PCDHGB3: variants seen among roughly 807,000 people sequenced by gnomAD.
PCDHGB3 encodes protocadherin gamma subfamily B, 3.
PCDHGB3 carries 40 observed loss-of-function variants against 59.2 expected under a neutral mutation model. The ratio of observed to expected loss-of-function variants is 0.68; its 90% CI spans 0.52 to 0.88. The LOEUF (loss-of-function observed/expected upper bound fraction) is 0.88, where lower values mean the gene tolerates loss of function less well. PCDHGB3 is among the 40% of genes least tolerant of loss of function. PCDHGB3 has a pLI of 0.00. For synonymous variants in PCDHGB3, 581 were observed against 503.6 expected (o/e 1.15, Z -2.06); for missense variants, 1,309 against 1,187.9 (o/e 1.10, Z -1.50).
intron 1 of PCDHGB3, chr5:141,414,421 A>C (rs1250470349): frequency 6.2e-7 from 1 of 1,613,894 alleles, no homozygotes; most frequent in East Asian, 2.2e-5. Context: ...AGCCCTTGAC[A>C]GGGAACAGGT....
In PCDHGB3 at chr5:141,432,262, A is replaced by G; in HGVS notation, c.2415+59453A>G. 1.9e-6 allele frequency: 3 copies of G among 1,614,222 alleles called. No homozygotes were observed. Among genetic ancestry groups the G allele is most frequent in the Non-Finnish European group, 2.5e-6 (3 of 1,180,036 alleles). On this transcript the variant is annotated intron_variant, in intron 1 of 3. Coordinates refer to ENST00000576222, the MANE Select transcript of PCDHGB3 (RefSeq NM_018924.5). This position sits in a 1 kb window ranked among gnomAD's most constrained non-coding sequence, Gnocchi z 6.0. ...AGAACACCATCCAAGGGGCAAGCCT[A>G]TCGTCCTACGTGTCCATCAACTCCG...
intron 1 of PCDHGB3, chr5:141,478,171 G>A (rs141465380): frequency 7.3e-5 from 118 of 1,613,942 alleles, no homozygotes; most frequent in African/African-American, 1.5e-4. Flanking sequence ...CCCCCCGGGA[G>A]CAGAAAAAAA....
intron 1 of PCDHGB3, chr5:141,422,878 C>T: frequency 6.2e-7 from 1 of 1,614,264 alleles, no homozygotes; most frequent in African/African-American, 1.3e-5. Flanking sequence ...GTCGCTGAGC[C>T]TGTTCGTGCT....
chr5:141,411,806 C>G (rs1276116820), intron 1 of PCDHGB3: 1 of 151,860 alleles, frequency 6.6e-6, no homozygotes, highest in Non-Finnish European at 1.5e-5. Flanking sequence ...CGCTTGAGCC[C>G]AGGAAGTCTA....
At chr5:141,418,392 T>C (rs753094664) in intron 1 of PCDHGB3, 1 of 1,613,996 alleles carries the variant, frequency 6.2e-7, no homozygotes, top group Non-Finnish European at 8.5e-7. Context: ...AACGAGTATT[T>C]CTCATTGGTG....
chr5:141,471,717 C>T (rs1196344901), intron 1 of PCDHGB3, among the ~76,000 whole-genome samples: 1 of 152,022 alleles, frequency 6.6e-6, no homozygotes, highest in Non-Finnish European at 1.5e-5. Flanking sequence ...GTGCCACTTA[C>T]CAGGTAAGGA....
chr5:141,489,126 T>G lies in PCDHGB3; in HGVS notation c.2416-5681T>G. 31 of 585,108 alleles carry G rather than the reference T, an allele frequency of 5.3e-5. No homozygotes were observed. Among genetic ancestry groups the G allele is most frequent in the South Asian group, 1.3e-4 (4 of 31,402 alleles). 36.2% of individuals were successfully genotyped at this position (585,108 alleles called of 1,614,324 possible). On this transcript the variant is annotated intron_variant, in intron 1 of 3. Transcript: ENST00000576222. The surrounding 1 kb of genome is among the most constrained non-coding windows in gnomAD (Gnocchi z 4.5). ...TGCAAGCAGGCAAACCTCCGAGCAG[T>G]TTTTAAGAGGCTGGAAGGAGACATA...
At chr5:141,375,234 G>C (rs371683670) in intron 1 of PCDHGB3, 16 of 1,613,840 alleles carry the variant, frequency 9.9e-6, no homozygotes, top group African/African-American at 1.3e-5. Context: ...CTGGTAACCT[G>C]TTCCATCCCG....
At position 141,371,956 on chromosome 5, in the gene PCDHGB3, A is replaced by C; in HGVS notation, c.1562A>C (p.Asp521Ala). The C allele has an allele frequency of 6.2e-7, 1 of 1,613,272 alleles. No homozygotes were observed. The highest frequency in any genetic ancestry group is 8.5e-7 in the Non-Finnish European group (1 of 1,179,846). ...SGVVFAQRAF[D>A]HEQLRAFELT... ...GTGGTGTTCGCGCAGCGAGCCTTCGACCACGAGCAGCTGCGTGCCTTCGAG... is the reference window on the plus strand; with the variant it reads ...GTGGTGTTCGCGCAGCGAGCCTTCGCCCACGAGCAGCTGCGTGCCTTCGAG... Residue 521 changes from aspartate (D) to alanine (A), a missense_variant, in exon 1 of 4, where the codon GAC (aspartate) becomes GCC (alanine). By Grantham distance (126) the Asp-to-Ala change is moderately radical. Coordinates refer to ENST00000576222, the MANE Select transcript of PCDHGB3 (RefSeq NM_018924.5).
At position 141,432,307 on chromosome 5, in the gene PCDHGB3, G is replaced by A. The variant is rs2097484688; in HGVS notation, c.2415+59498G>A. On this transcript the variant is annotated intron_variant, in intron 1 of 3. Transcript: ENST00000576222. The surrounding 1 kb of genome is among the most constrained non-coding windows in gnomAD (Gnocchi z 6.0). ...ACTCCGACACTGGGGTACTGTATGC[G>A]CTGAGCTCCTTCGACTACGAGCAGT... The A allele has an allele frequency of 5.0e-6, 8 of 1,614,240 alleles. No individual in the cohort carries two copies. Among genetic ancestry groups the A allele is most frequent in the South Asian group, 1.1e-5 (1 of 91,086 alleles).
intron 1 of PCDHGB3, chr5:141,422,899 G>A: frequency 2.5e-6 from 4 of 1,614,234 alleles, no homozygotes; most frequent in Non-Finnish European, 3.4e-6. Flanking sequence ...GGACCAGAAC[G>A]ACAATGCGCC....
intron 1 of PCDHGB3, chr5:141,414,150 A>C (rs750190499): frequency 6.2e-7 from 1 of 1,600,176 alleles, no homozygotes; most frequent in African/African-American, 1.3e-5. Context: ...AAATACAAGC[A>C]GAAGATGGAG....
intron 1 of PCDHGB3, chr5:141,400,148 G>A (rs377393833): frequency 2.5e-6 from 4 of 1,614,056 alleles, no homozygotes; most frequent in African/African-American, 2.7e-5. Flanking sequence ...ATCACTGACC[G>A]CCCTGTACCC....
intron 1 of PCDHGB3, chr5:141,423,839 A>C: frequency 7.8e-7 from 1 of 1,279,970 alleles, no homozygotes; most frequent in Admixed American, 3.8e-5. Flanking sequence ...AGATTACGAT[A>C]ATCTTTCAGA....
At chr5:141,383,656 G>A in intron 1 of PCDHGB3, 1 of 1,614,008 alleles carries the variant, frequency 6.2e-7, no homozygotes, top group South Asian at 1.1e-5. Context: ...AACTGTCCCC[G>A]AGAATGTGCC....
rs530007628 is a variant in PCDHGB3 at position 141,376,702 on chromosome 5, C to T, written c.2415+3893C>T. 1,559 of 561,286 alleles carry T rather than the reference C, an allele frequency of 2.8e-3. 9 individuals carry two copies. The highest frequency in any genetic ancestry group is 3.4e-3 in the Non-Finnish European group (1,255 of 368,136). The allele number at this position is 561,286 out of a possible 1,614,324, so 34.8% of individuals were successfully genotyped here. On this transcript the variant is annotated intron_variant, in intron 1 of 3. Transcript: ENST00000576222. Reference sequence around the variant, plus strand: ...TTTTTTTTTTTTTTTTTTTTTGAGACGGAGTCTCGCTCTGTCGCCCAGGCC... The same window carrying T: ...TTTTTTTTTTTTTTTTTTTTTGAGATGGAGTCTCGCTCTGTCGCCCAGGCC...
intron 1 of PCDHGB3, among the ~76,000 whole-genome samples, chr5:141,459,664 T>A (rs766213146): frequency 1.3e-5 from 2 of 152,262 alleles, no homozygotes; most frequent in Non-Finnish European, 2.9e-5. Flanking sequence ...TCACTTTACA[T>A]TTTCATGAGC....
intron 3 of PCDHGB3, chr5:141,507,010 G>A (rs371780810): frequency 1.3e-5 from 2 of 152,324 alleles, no homozygotes; most frequent in East Asian, 1.9e-4. Flanking sequence ...TGAGAGAACC[G>A]AGAAGGCACT....
At chr5:141,495,771 C>T (rs941051365) in intron 2 of PCDHGB3, among the ~76,000 whole-genome samples, 1 of 152,110 alleles carries the variant, frequency 6.6e-6, no homozygotes, top group Non-Finnish European at 1.5e-5. Flanking sequence ...TGTCCTTGTC[C>T]TGGACCTCTT....
Sources: allele counts gnomAD v4.1 joint callset (sites outside exome capture counted in the v4.1 genomes callset), GRCh38; gene constraint gnomAD v4.1.1; non-coding constraint Gnocchi (gnomAD v3.1); transcripts MANE v1.5; gene names NCBI Gene and HGNC (gene_info 2026-07-23, HGNC 2026-07-21).